Variants in NF1 observed in about 807,000 individuals in gnomAD.
NF1 encodes neurofibromin 1.
Under a neutral mutation model 325.7 loss-of-function variants are expected in NF1, and 122 were observed. That is an observed-to-expected ratio of 0.37 (90% CI 0.32 to 0.44). The LOEUF (loss-of-function observed/expected upper bound fraction) is 0.44, where lower values mean the gene tolerates loss of function less well. Among genes scored for constraint, NF1 ranks in the 20% least tolerant of loss-of-function variants. NF1 has a pLI of 1.00. For synonymous variants in NF1, 1,091 were observed against 1,186.0 expected (o/e 0.92, Z 1.65); for missense variants, 2,140 against 3,415.4 (o/e 0.63, Z 9.31).
chr17:31,317,877 G>A (rs908844198), intron 36 of NF1: 1 of 167,130 alleles, frequency 6.0e-6, no homozygotes, highest in African/African-American at 2.4e-5. Flanking sequence ...CTCTATCTAT[G>A]CATTAGGAAT....
intron 1 of NF1, among the ~76,000 whole-genome samples, chr17:31,097,460 A>T: frequency 2.8e-5 from 1 of 35,358 alleles, no homozygotes; most frequent in African/African-American, 4.7e-5. Flanking sequence ...TCTTGTCTCC[A>T]AAAAAAAAAA....
chr17:31,221,535 A>G (rs1238036074), intron 14 of NF1, among the ~76,000 whole-genome samples: 1 of 152,100 alleles, frequency 6.6e-6, no homozygotes, highest in Admixed American at 6.5e-5. Context: ...TTTAATATCT[A>G]TTGAAATTAT....
At chr17:31,133,270 G>A (rs1915523327) in intron 1 of NF1, 1 of 152,136 alleles carries the variant, frequency 6.6e-6, no homozygotes, top group Non-Finnish European at 1.5e-5. Context: ...GCTTGTTTCC[G>A]TTAGTGTAAT....
intron 17 of NF1, among the ~76,000 whole-genome samples, 176 bp from the exon 18 acceptor site, chr17:31,226,259 G>T (rs561097702): frequency 1.3e-5 from 2 of 150,068 alleles, no homozygotes; most frequent in East Asian, 2.0e-4. Context: ...ATATTTTGGG[G>T]TTTGAAAAAT....
chr17:31,226,316 G>GAGACACAC lies in NF1; in HGVS notation c.2002-117_2002-110dup. The GAGACACAC allele has an allele frequency of 6.4e-6, 4 of 624,526 alleles. No homozygotes were observed. In the South Asian group the frequency reaches 1.3e-4, roughly 20 times the overall value. The allele number at this position is 624,526 out of a possible 1,614,324, so 38.7% of individuals were successfully genotyped here. A position where few individuals can be genotyped will look rare whatever the true frequency, so the allele number is the denominator to read the frequency against. Reference sequence around the variant, plus strand: ...AAGCTCTTGTGAGTTATTGTATGCGGAGACACACACACACACACACACACA... The same window carrying GAGACACAC: ...AAGCTCTTGTGAGTTATTGTATGCGGAGACACACAGACACACACACACACACACACACA... On this transcript the variant is annotated intron_variant, in intron 17 of 57. Coordinates refer to ENST00000358273, the MANE Select transcript of NF1 (RefSeq NM_001042492.3).
At chr17:31,205,141 G>A (rs1468365154) in intron 11 of NF1, among the ~76,000 whole-genome samples, 1 of 152,094 alleles carries the variant, frequency 6.6e-6, no homozygotes, top group East Asian at 1.9e-4. Context: ...GTAATCCACA[G>A]TTTGGGTTAA....
intron 8 of NF1, among the ~76,000 whole-genome samples, chr17:31,185,737 A>G (rs1298148655): frequency 1.3e-5 from 2 of 152,176 alleles, no homozygotes; most frequent in African/African-American, 4.8e-5. Context: ...TGGGGTCCAG[A>G]ACAGGAGAAG....
At chr17:31,343,171 A>G in intron 48 of NF1, 36 bp downstream of exon 48, 5 of 1,555,946 alleles carry the variant, frequency 3.2e-6, no homozygotes, top group Non-Finnish European at 4.4e-6. Context: ...TTTATGAAGT[A>G]CTATTAAGAA....
chr17:31,342,897 C>A, intron 47 of NF1, 112 bp from the exon 48 acceptor site: 3 of 1,360,250 alleles, frequency 2.2e-6, no homozygotes, highest in Non-Finnish European at 2.1e-6. Flanking sequence ...TAATTTCTCT[C>A]AAATTGAAAG....
intron 20 of NF1, 115 bp from the exon 21 acceptor site, chr17:31,228,910 A>G (rs1333111420): frequency 1.3e-6 from 1 of 771,622 alleles, no homozygotes; most frequent in African/African-American, 1.8e-5. Context: ...ATTTTAATGT[A>G]TATTTTACAT....
At chr17:31,319,792 A>G (rs908183290) in intron 36 of NF1, among the ~76,000 whole-genome samples, 1 of 151,420 alleles carries the variant, frequency 6.6e-6, no homozygotes, top group Non-Finnish European at 1.5e-5. Flanking sequence ...CTCTGAGTAG[A>G]CTTAAAAGTT....
intron 29 of NF1, among the ~76,000 whole-genome samples, chr17:31,240,063 C>A (rs2067268712): frequency 6.6e-6 from 1 of 152,162 alleles, no homozygotes; most frequent in Non-Finnish European, 1.5e-5. Context: ...CGTGCCCGGC[C>A]TATCGTTTCT....
chr17:31,305,174 A>G (rs1392768693), intron 36 of NF1: 30 of 1,614,018 alleles, frequency 1.9e-5, no homozygotes, highest in Non-Finnish European at 2.3e-5. Flanking sequence ...TGTTGAGTAA[A>G]AGTATAGACA....
chr17:31,296,998 G>A (rs1395216650), intron 36 of NF1: 1 of 152,154 alleles, frequency 6.6e-6, no homozygotes, highest in East Asian at 1.9e-4. Flanking sequence ...CAGAGTGACT[G>A]AATGTATAAA....
chr17:31,348,928 T>TA (rs1474634285), intron 48 of NF1, among the ~76,000 whole-genome samples, 192 bp from the exon 49 acceptor site: 5 of 152,206 alleles, frequency 3.3e-5, no homozygotes, highest in African/African-American at 1.2e-4. Flanking sequence ...TTTTGGTACT[T>TA]AATCTTATAC....
chr17:31,161,602 C>T (rs1597633117), intron 3 of NF1, among the ~76,000 whole-genome samples: 1 of 152,084 alleles, frequency 6.6e-6, no homozygotes. Flanking sequence ...CTGTTAACAC[C>T]GAAGTTATCA....
chr17:31,198,971 C>T (rs1408158251), intron 8 of NF1, among the ~76,000 whole-genome samples: 1 of 152,042 alleles, frequency 6.6e-6, no homozygotes, highest in African/African-American at 2.4e-5. Flanking sequence ...TTCTCTCTGT[C>T]TCTCTTTTAT....
Position 31,200,437 on chromosome 17 carries a change from A to G in NF1, c.904A>G (p.Ser302Gly). The G allele has an allele frequency of 1.2e-6, 2 of 1,614,150 alleles. No individual in the cohort carries two copies. Among genetic ancestry groups the G allele is most frequent in the Non-Finnish European group, 1.7e-6 (2 of 1,180,014 alleles). ...NNMNKKLFLDSLRKALAGHGG... is the reference protein window; with the variant it reads ...NNMNKKLFLDGLRKALAGHGG... ...AATTCTGTAGAAGTTATTTCTGGAC[A>G]GTCTACGAAAAGCTCTTGCTGGCCA... Residue 302 changes from serine to glycine, a missense_variant, in exon 9 of 58, where the codon AGT becomes GGT. Physicochemically the swap from Ser to Gly is moderately conservative, Grantham distance 56. Coordinates refer to ENST00000358273, the MANE Select transcript of NF1 (RefSeq NM_001042492.3).
intron 36 of NF1, among the ~76,000 whole-genome samples, chr17:31,299,930 T>C (rs886372133): frequency 6.6e-6 from 1 of 152,092 alleles, no homozygotes; most frequent in Non-Finnish European, 1.5e-5. Flanking sequence ...CCATATTTTC[T>C]ATAAGTGATT....
Sources: allele counts gnomAD v4.1 joint callset (sites outside exome capture counted in the v4.1 genomes callset), GRCh38; gene constraint gnomAD v4.1.1; transcripts MANE v1.5; gene names NCBI Gene and HGNC (gene_info 2026-07-23, HGNC 2026-07-21).